Variants in LINGO2 observed in about 807,000 individuals in gnomAD.
LINGO2 encodes leucine-rich repeat and immunoglobulin-like domain-containing nogo receptor-interacting protein 2.
Under a neutral mutation model 30.6 loss-of-function variants are expected in LINGO2, and 14 were observed. The ratio of observed to expected loss-of-function variants is 0.46; its 90% CI spans 0.30 to 0.72. LINGO2 has a LOEUF of 0.72. Ranked by LOEUF, LINGO2 falls within the 30% of genes least tolerant of loss-of-function variation. The pLI, the probability that LINGO2 is intolerant of heterozygous loss-of-function variation, is 0.07. For missense variants in LINGO2, 729 were observed against 751.7 expected, an observed-to-expected ratio of 0.97 and a Z score of 0.35; for synonymous variants, 317 against 288.5, an observed-to-expected ratio of 1.10 and a Z score of -1.00.
the LINGO2 span, among the ~76,000 whole-genome samples, chr9:29,192,463 G>A: frequency 3.3e-5 from 5 of 152,112 alleles, no homozygotes; most frequent in African/African-American, 1.2e-4. Context: ...GATTTCCACA[G>A]AAGTATTGAT....
At chr9:27,945,547 C>T (rs372345985), downstream of LINGO2, among the ~76,000 whole-genome samples, 30 of 152,162 alleles carry the variant, frequency 2.0e-4, no homozygotes, top group South Asian at 6.0e-3. Context: ...AATGCTGAGT[C>T]AAACAACAGT....
chr9:28,913,144 T>TA, the LINGO2 span, among the ~76,000 whole-genome samples: 3 of 152,280 alleles, frequency 2.0e-5, no homozygotes, highest in African/African-American at 4.8e-5. Context: ...ATCTGTTCAA[T>TA]AAAATCCTCA....
rs1821991808 is a variant in LINGO2, at chr9:28,002,176, G to C, written c.-36+10179C>G. On this transcript the variant is annotated intron_variant, in intron 5 of 5. Transcript: ENST00000379992. The stretch of plus-strand genomic sequence containing the variant: ...TAAATGGGTCCTGGGAGCAGACAGT[G>C]TAGGCAGATTTATACACTAATATTT... Among the ~76,000 whole-genome samples, 3 of 152,170 alleles carry C rather than the reference G, an allele frequency of 2.0e-5. No homozygotes were observed. The South Asian group carries it at 6.2e-4, about 32-fold the overall frequency.
intron 1 of LINGO2, among the ~76,000 whole-genome samples, chr9:28,664,165 G>C (rs1828699854): frequency 6.6e-6 from 1 of 151,986 alleles, no homozygotes; most frequent in South Asian, 2.1e-4. Context: ...AATTAAAACA[G>C]ATAAAATAAT....
At chr9:28,645,992 T>C (rs942326171) in intron 1 of LINGO2, among the ~76,000 whole-genome samples, 8 of 152,172 alleles carry the variant, frequency 5.3e-5, no homozygotes, top group African/African-American at 7.2e-5. Flanking sequence ...GCTTCAATTT[T>C]TTAAATTCAA....
chr9:28,672,774 C>A (rs1829071046), upstream of LINGO2, among the ~76,000 whole-genome samples: 1 of 152,004 alleles, frequency 6.6e-6, no homozygotes, highest in Admixed American at 6.6e-5. Context: ...CTCATAAGAT[C>A]TTTTGTTTAT....
chr9:28,659,354 A>G (rs1319986203), intron 1 of LINGO2, among the ~76,000 whole-genome samples: 1 of 152,168 alleles, frequency 6.6e-6, no homozygotes, highest in Non-Finnish European at 1.5e-5. Context: ...GCATGACACT[A>G]AAGCCAATGA....
rs1305788353 is a variant in LINGO2 at position 28,045,019 on chromosome 9, C to CA, written c.-86-32615_-86-32614insT. On this transcript the variant is annotated intron_variant, in intron 4 of 5. Transcript: ENST00000379992. ...TCGTAATCCCAGTGTGCCAGTGGGC[C>CA]CAGGGGAGCGAGTGTGGGGGCTCTG... 5.3e-5 allele frequency among the ~76,000 whole-genome samples: 8 copies of CA among 152,072 alleles called. No individual in the cohort carries two copies. In the East Asian group the frequency reaches 1.5e-3, roughly 29 times the overall value.
At chr9:29,199,725 C>T in the LINGO2 span, among the ~76,000 whole-genome samples, 21 of 152,172 alleles carry the variant, frequency 1.4e-4, 1 homozygote, top group South Asian at 4.2e-3. Flanking sequence ...GCAGTAATTG[C>T]TGAACATTTT....
the LINGO2 span, among the ~76,000 whole-genome samples, chr9:28,898,068 T>C: frequency 3.2e-3 from 484 of 152,264 alleles, 2 homozygotes; most frequent in African/African-American, 0.011. Flanking sequence ...TAGTGACCTC[T>C]ACCCTTCAAA....
the LINGO2 span, among the ~76,000 whole-genome samples, chr9:28,853,518 T>C: frequency 6.6e-6 from 1 of 152,006 alleles, no homozygotes; most frequent in African/African-American, 2.4e-5. Flanking sequence ...AAGGTATCAC[T>C]GCCTCCTAAC....
the LINGO2 span, among the ~76,000 whole-genome samples, chr9:28,886,167 A>G: frequency 2.0e-5 from 3 of 152,166 alleles, no homozygotes; most frequent in Non-Finnish European, 4.4e-5. Flanking sequence ...GTGTACTGAC[A>G]TGCCTTTACT....
At chr9:29,045,887 T>A in the LINGO2 span, among the ~76,000 whole-genome samples, 1 of 152,202 alleles carries the variant, frequency 6.6e-6, no homozygotes, top group South Asian at 2.1e-4. Flanking sequence ...CTTAGGTATG[T>A]TATTCTTCTT....
intron 2 of LINGO2, among the ~76,000 whole-genome samples, chr9:28,386,802 ATAAT>A (rs1306265531): frequency 1.3e-5 from 2 of 152,214 alleles, no homozygotes; most frequent in Non-Finnish European, 1.5e-5. Flanking sequence ...ATTTGACAAA[ATAAT>A]TAGATTTTAA....
At chr9:28,220,188 GAT>G (rs1329684044) in intron 4 of LINGO2, among the ~76,000 whole-genome samples, 1 of 152,144 alleles carries the variant, frequency 6.6e-6, no homozygotes, top group African/African-American at 2.4e-5. Context: ...GAGAGTCTGG[GAT>G]TTTCGTATCT....
intron 4 of LINGO2, among the ~76,000 whole-genome samples, chr9:28,105,722 C>G (rs1331371017): frequency 1.3e-5 from 2 of 148,628 alleles, no homozygotes; most frequent in Non-Finnish European, 3.0e-5. Flanking sequence ...CTGTCTCACT[C>G]TCTCTCTCTC....
At chr9:28,440,011 T>G (rs1824126417) in intron 2 of LINGO2, among the ~76,000 whole-genome samples, 1 of 152,178 alleles carries the variant, frequency 6.6e-6, no homozygotes, top group African/African-American at 2.4e-5. Flanking sequence ...TGTTAGACTC[T>G]GAAATTTGGT....
the LINGO2 span, among the ~76,000 whole-genome samples, chr9:29,133,369 C>T: frequency 6.6e-6 from 1 of 152,070 alleles, no homozygotes; most frequent in Non-Finnish European, 1.5e-5. Flanking sequence ...CAACTGATTT[C>T]TAAACATAAT....
At chr9:29,137,299 A>C in the LINGO2 span, among the ~76,000 whole-genome samples, 37,107 of 152,064 alleles carry the variant, frequency 0.24, 4,710 homozygotes, top group East Asian at 0.44. Context: ...CTAAGCTCTA[A>C]TTATTATTCA....
Sources: gnomAD v4.1 joint callset for allele counts (sites outside exome capture counted in the v4.1 genomes callset) on GRCh38, gnomAD v4.1.1 for gene constraint, MANE v1.5 for transcripts, NCBI Gene and HGNC (gene_info 2026-07-23, HGNC 2026-07-21) for gene names.